Variants in LARGE2 observed in about 807,000 individuals in gnomAD.
LARGE2 encodes xylosyl- and glucuronyltransferase LARGE2.
LARGE2 carries 63 observed loss-of-function variants against 75.3 expected under a neutral mutation model. The ratio of observed to expected loss-of-function variants is 0.84; its 90% CI spans 0.68 to 1.03. The LOEUF (loss-of-function observed/expected upper bound fraction) is 1.03, where lower values mean the gene tolerates loss of function less well. LARGE2 is among the 50% of genes least tolerant of loss of function. The pLI is 0.00. For missense variants in LARGE2, 925 were observed against 980.6 expected, an observed-to-expected ratio of 0.94 and a Z score of 0.76; for synonymous variants, 428 against 420.1, an observed-to-expected ratio of 1.02 and a Z score of -0.23.
rs146664736 is a variant in LARGE2, at chr11:45,927,375, C to T, written c.1386C>T (p.Tyr462=). The change falls in exon 11 of 14, where the codon TAC becomes TAT. Residue 462 remains tyrosine (Y), a synonymous_variant. Coordinates refer to ENST00000401752, the MANE Select transcript of LARGE2 (RefSeq NM_001300721.2). ...HWPGPMSLAL[Y]LTDAEAQQFL... ...CTGGCCCCATGAGCCTGGCCTTGTACCTGACAGACGCAGAAGCTCAGCAGT... is the reference window on the plus strand; with the variant it reads ...CTGGCCCCATGAGCCTGGCCTTGTATCTGACAGACGCAGAAGCTCAGCAGT... The T allele has an allele frequency of 2.5e-6, 4 of 1,613,890 alleles. No homozygotes were observed. The highest frequency in any genetic ancestry group is 3.4e-6 in the Non-Finnish European group (4 of 1,180,040).
rs1464091368 is a variant in LARGE2, at chr11:45,924,269, C to G, written c.484C>G (p.Gln162Glu). Residue 162 changes from glutamine to glutamate, a missense_variant, in exon 4 of 14, where the codon CAG becomes GAG. Physicochemically the swap from Gln to Glu is conservative, Grantham distance 29. This residue lies in a region of LARGE2 where 453 missense variants were observed against 460.2 expected (regional missense o/e 0.98). Coordinates refer to ENST00000401752, the MANE Select transcript of LARGE2 (RefSeq NM_001300721.2). ...CCGTGTCAGCTTTTATCATGCCGAC[C>G]AGCTCAAGGCAGGGGCCCAGCCCTT... ...AVRVSFYHADQLKPQVSWIPN... is the reference protein window; with the variant it reads ...AVRVSFYHADELKPQVSWIPN... The G allele has an allele frequency of 6.2e-7, 1 of 1,613,038 alleles. No individual in the cohort carries two copies. Among genetic ancestry groups the G allele is most frequent in the African/African-American group, 1.3e-5 (1 of 74,928 alleles).
chr11:45,924,121 GC>G, intron 3 of LARGE2, 32 bp from the exon 4 acceptor site: 1 of 1,603,646 alleles, frequency 6.2e-7, no homozygotes. Flanking sequence ...TCCTGCTGGG[GC>G]CTCTCAGGCT....
At chr11:45,923,663 G>A (rs1461570508) in intron 3 of LARGE2, 108 bp downstream of exon 3, 1 of 989,682 alleles carries the variant, frequency 1.0e-6, no homozygotes, top group East Asian at 2.4e-5. Flanking sequence ...CGCGGGGACA[G>A]TGTCCCCTTC....
chr11:45,923,661 CAG>C, intron 3 of LARGE2, 106 bp downstream of exon 3: 1 of 1,010,114 alleles, frequency 9.9e-7, no homozygotes. Context: ...GACGCGGGGA[CAG>C]TGTCCCCTTC....
chr11:45,922,172 C>T (rs1046999882), upstream of LARGE2, among the ~76,000 whole-genome samples: 7 of 152,040 alleles, frequency 4.6e-5, no homozygotes, highest in African/African-American at 1.7e-4. Flanking sequence ...GCCACCTGGA[C>T]TGAGAGTGGG....
intron 2 of LARGE2, 134 bp downstream of exon 2, chr11:45,923,301 G>T: frequency 8.9e-7 from 1 of 1,124,724 alleles, no homozygotes; most frequent in Non-Finnish European, 1.2e-6. Flanking sequence ...CACCTCGAAC[G>T]TGCAGCTCCT....
At chr11:45,926,921 A>C in intron 10 of LARGE2, 50 bp downstream of exon 10, 1 of 1,547,636 alleles carries the variant, frequency 6.5e-7, no homozygotes, top group Admixed American at 1.8e-5. Flanking sequence ...CTGGGGTTGG[A>C]CACTTCTGAG....
chr11:45,926,907 T>C (rs1340300088), intron 10 of LARGE2, 36 bp downstream of exon 10: 21 of 1,573,416 alleles, frequency 1.3e-5, no homozygotes, highest in Non-Finnish European at 1.7e-5. Context: ...GGGTATGGCA[T>C]GGGCTGGGGT....
Position 45,923,014 on chromosome 11 carries a change from C to T in LARGE2, c.132C>T (p.Ala44=), listed in dbSNP as rs2086981736. ...GCGAGCCTGGCGGGCGAGCGGGGGC[C>T]CCGGGATGCTTCCCCGGCCCGCTCA... ...ERREPGGRAG[A]PGCFPGPLMP... The change falls in exon 2 of 14, where the codon GCC becomes GCT. Residue 44 remains alanine, a synonymous_variant. Coordinates refer to ENST00000401752, the MANE Select transcript of LARGE2 (RefSeq NM_001300721.2). 4 of 1,365,774 alleles carry T rather than the reference C, an allele frequency of 2.9e-6. No individual in the cohort carries two copies. Among genetic ancestry groups the T allele is most frequent in the Non-Finnish European group, 3.8e-6 (4 of 1,063,376 alleles). 84.6% of individuals were successfully genotyped at this position (1,365,774 alleles called of 1,614,324 possible).
chr11:45,925,986 C>T (rs2087124334), intron 6 of LARGE2, 53 bp from the exon 7 acceptor site: 4 of 1,474,182 alleles, frequency 2.7e-6, no homozygotes, highest in African/African-American at 2.8e-5. Context: ...ACCCCCATGT[C>T]CCCCAGGAGC....
chr11:45,928,485 C>T (rs2087361308), intron 13 of LARGE2, 113 bp downstream of exon 13: 2 of 1,528,230 alleles, frequency 1.3e-6, no homozygotes, highest in Admixed American at 2.0e-5. Context: ...TAGAAATGTC[C>T]CCCTTCTGTG....
chr11:45,928,890 A>G lies in LARGE2; in HGVS notation c.*45A>G. The G allele has an allele frequency of 6.2e-7, 1 of 1,607,280 alleles. No homozygotes were observed. The highest frequency in any genetic ancestry group is 8.5e-7 in the Non-Finnish European group (1 of 1,177,154). On this transcript the variant is annotated 3_prime_UTR_variant, in exon 14 of 14. Coordinates refer to ENST00000401752, the MANE Select transcript of LARGE2 (RefSeq NM_001300721.2). ...CTCATCTTAGCATTGGGCAGACACC[A>G]GGGCAACCTGCCCTCCGCCATCCCT...
Position 45,923,066 on chromosome 11 carries a change from C to CT in LARGE2, c.185dup (p.Arg63AlafsTer45), listed in dbSNP as rs1565088131. 7.1e-7 allele frequency: 1 copy of CT among 1,415,796 alleles called. No individual in the cohort carries two copies. 87.7% of individuals were successfully genotyped at this position (1,415,796 alleles called of 1,614,324 possible). On this transcript the variant is annotated frameshift_variant, in exon 2 of 14. Transcript: ENST00000401752. LOFTEE classifies it high-confidence loss of function. ...GCCACGTGTCCCCCCAGACGGGAGG[C>CT]TGCGGAGAGCCGCCGCCCTCGACGG...
intron 6 of LARGE2, among the ~76,000 whole-genome samples, chr11:45,925,180 G>A (rs1473630859): frequency 6.6e-6 from 1 of 152,152 alleles, no homozygotes; most frequent in Non-Finnish European, 1.5e-5. Flanking sequence ...TCTGTAAGCT[G>A]GACAGCGCCT....
chr11:45,927,213 C>A, intron 10 of LARGE2, 102 bp from the exon 11 acceptor site: 1 of 1,320,728 alleles, frequency 7.6e-7, no homozygotes, highest in Non-Finnish European at 1.0e-6. Context: ...CAGTAAGTCA[C>A]TTGAGGAGGT....
At chr11:45,921,836 G>C (rs1431591685), upstream of LARGE2, 1 of 152,228 alleles carries the variant, frequency 6.6e-6, no homozygotes, top group East Asian at 1.9e-4. Context: ...TAAACTCTCC[G>C]GGGGAGAATT....
chr11:45,926,860 G>A lies in LARGE2; in HGVS notation c.1314G>A (p.Leu438=). Residue 438 remains leucine (L), a synonymous_variant, in exon 10 of 14, where the codon CTG becomes CTA. Coordinates refer to ENST00000401752, the MANE Select transcript of LARGE2 (RefSeq NM_001300721.2). ...RPHDVTLVAQ[L]SMDRLQMLEA... ...ACGATGTCACCCTTGTGGCCCAGCT[G>A]TCCATGGACCGGTGAGGGTGCAGAG... 1 of 1,611,106 alleles carries A rather than the reference G, an allele frequency of 6.2e-7. No homozygotes were observed. The highest frequency in any genetic ancestry group is 8.5e-7 in the Non-Finnish European group (1 of 1,179,322).
chr11:45,923,294 C>T (rs2086997550), intron 2 of LARGE2, 127 bp downstream of exon 2: 3 of 1,154,484 alleles, frequency 2.6e-6, no homozygotes, highest in Non-Finnish European at 3.6e-6. Flanking sequence ...TGGGGCGCAC[C>T]TCGAACGTGC....
chr11:45,923,411 C>A (rs2087001652), intron 2 of LARGE2, 62 bp from the exon 3 acceptor site: 3 of 1,524,830 alleles, frequency 2.0e-6, no homozygotes, highest in Non-Finnish European at 2.7e-6. Context: ...GGCAGCTCAA[C>A]ATGGGTCCTC....
Sources: gnomAD v4.1 joint callset for allele counts (sites outside exome capture counted in the v4.1 genomes callset) on GRCh38, gnomAD v4.1.1 for gene constraint, gnomAD v4.1.1 regional missense constraint, MANE v1.5 for transcripts, NCBI Gene and HGNC (gene_info 2026-07-23, HGNC 2026-07-21) for gene names.